RASGRF2: variants seen among roughly 807,000 people sequenced by gnomAD.
RASGRF2 encodes Ras protein specific guanine nucleotide releasing factor 2.
Under a neutral mutation model 151.0 loss-of-function variants are expected in RASGRF2, and 76 were observed. That is an observed-to-expected ratio of 0.50 (90% CI 0.42 to 0.61). RASGRF2 has a LOEUF of 0.61. RASGRF2 is among the 20% of genes least tolerant of loss of function. The pLI is 0.00. For missense variants in RASGRF2, 1,148 were observed against 1,564.6 expected, an observed-to-expected ratio of 0.73 and a Z score of 4.49; for synonymous variants, 504 against 566.5, an observed-to-expected ratio of 0.89 and a Z score of 1.57.
In RASGRF2 at chr5:81,213,500, T is replaced by C. The variant is rs1378247811; in HGVS notation, c.3354+937T>C. Among the ~76,000 whole-genome samples the C allele has an allele frequency of 3.9e-5, 6 of 152,242 alleles. No homozygotes were observed. In the East Asian group the frequency reaches 1.2e-3, roughly 29 times the overall value. On this transcript the variant is annotated intron_variant, in intron 23 of 26. Transcript: ENST00000265080. The stretch of plus-strand genomic sequence containing the variant: ...GAGTTGGTGAGGGGAATCTACAGAG[T>C]GCCACCTCCAGGGTCCCAGACCGGA...
intron 5 of RASGRF2, among the ~76,000 whole-genome samples, chr5:81,077,501 G>A (rs1477043812): frequency 2.0e-5 from 3 of 152,278 alleles, no homozygotes; most frequent in African/African-American, 7.2e-5. Context: ...AGAAAGGAAG[G>A]GTGATGAGTG....
chr5:81,219,621 A>C, intron 25 of RASGRF2, 89 bp from the exon 26 acceptor site: 9 of 1,046,746 alleles, frequency 8.6e-6, no homozygotes, highest in Non-Finnish European at 1.3e-5. Flanking sequence ...CCCTTCTGGG[A>C]AGAGGCCTCA....
At chr5:81,181,482 A>G (rs1014332905) in intron 18 of RASGRF2, among the ~76,000 whole-genome samples, 8 of 152,224 alleles carry the variant, frequency 5.3e-5, no homozygotes. Context: ...CTATGATTCA[A>G]ATTCCAAGAA....
chr5:80,974,648 G>A (rs1213580284), intron 1 of RASGRF2, among the ~76,000 whole-genome samples: 5 of 143,258 alleles, frequency 3.5e-5, no homozygotes, highest in African/African-American at 1.3e-4. Context: ...ATTTCCATTC[G>A]ACAAGCAAGG....
At chr5:81,118,625 T>C (rs1753224115) in intron 15 of RASGRF2, among the ~76,000 whole-genome samples, 1 of 152,230 alleles carries the variant, frequency 6.6e-6, no homozygotes, top group African/African-American at 2.4e-5. Context: ...ACAGCCTTGG[T>C]TTGCACTCCC....
intron 17 of RASGRF2, among the ~76,000 whole-genome samples, chr5:81,179,495 T>C (rs1369051959): frequency 6.6e-6 from 1 of 152,208 alleles, no homozygotes; most frequent in African/African-American, 2.4e-5. Flanking sequence ...AAATTTCCTT[T>C]TTAATTGACA....
chr5:81,123,523 TA>T, intron 15 of RASGRF2, 118 bp from the exon 16 acceptor site: 1 of 1,214,478 alleles, frequency 8.2e-7, no homozygotes. Context: ...GATTTCATAT[TA>T]AAGCCCTTTA....
intron 10 of RASGRF2, among the ~76,000 whole-genome samples, chr5:81,093,546 G>T (rs935492945): frequency 6.6e-6 from 1 of 152,062 alleles, no homozygotes; most frequent in Non-Finnish European, 1.5e-5. Context: ...CAAGCTGCTG[G>T]GACTACAGAC....
intron 17 of RASGRF2, among the ~76,000 whole-genome samples, chr5:81,128,406 TAATCA>T (rs1753527565): frequency 1.3e-5 from 2 of 152,110 alleles, no homozygotes; most frequent in Non-Finnish European, 2.9e-5. Context: ...CAATAAAAAA[TAATCA>T]AATAAATAAA....
intron 2 of RASGRF2, among the ~76,000 whole-genome samples, chr5:81,058,273 G>A (rs1202651055): frequency 1.3e-5 from 2 of 152,022 alleles, no homozygotes; most frequent in East Asian, 1.9e-4. Context: ...CTAACCAAAT[G>A]AAAATAATAA....
chr5:81,188,680 C>T (rs918227993), intron 18 of RASGRF2, among the ~76,000 whole-genome samples: 1 of 152,222 alleles, frequency 6.6e-6, no homozygotes, highest in African/African-American at 2.4e-5. Context: ...AAGTCACTTA[C>T]TGTGACTCCA....
intron 23 of RASGRF2, among the ~76,000 whole-genome samples, chr5:81,213,228 TGGGTACA>T (rs1356630096): frequency 6.6e-6 from 1 of 152,158 alleles, no homozygotes; most frequent in Non-Finnish European, 1.5e-5. Flanking sequence ...GATGATTCAT[TGGGTACA>T]GGCTGCTGTG....
chr5:81,208,496 C>T lies in RASGRF2; in HGVS notation c.3156+58C>T, dbSNP rs1755560112. The T allele has an allele frequency of 2.6e-5, 24 of 937,716 alleles. No homozygotes were observed. The South Asian group carries it at 2.8e-4, about 11-fold the overall frequency. 58.1% of individuals were successfully genotyped at this position (937,716 alleles called of 1,614,324 possible). A position where few individuals can be genotyped will look rare whatever the true frequency, so the allele number is the denominator to read the frequency against. On this transcript the variant is annotated intron_variant, in intron 22 of 26. Coordinates refer to ENST00000265080, the MANE Select transcript of RASGRF2 (RefSeq NM_006909.3). Reference sequence around the variant, plus strand: ...GTCACAAGAAGATGGATATTGGGGTCTAAAGACTCCTCTAAAACAAAGCAA... The same window carrying T: ...GTCACAAGAAGATGGATATTGGGGTTTAAAGACTCCTCTAAAACAAAGCAA...
chr5:81,191,242 T>C (rs1438077705), intron 18 of RASGRF2, among the ~76,000 whole-genome samples: 1 of 152,152 alleles, frequency 6.6e-6, no homozygotes, highest in Non-Finnish European at 1.5e-5. Context: ...CTTGTTGCCT[T>C]TCTCTTTGTG....
At chr5:81,085,595 ATGTGT>A (rs1345930648) in intron 7 of RASGRF2, among the ~76,000 whole-genome samples, 2 of 152,094 alleles carry the variant, frequency 1.3e-5, no homozygotes, top group African/African-American at 4.8e-5. Flanking sequence ...CCACCTTTTC[ATGTGT>A]TCTTGGTGAA....
intron 1 of RASGRF2, among the ~76,000 whole-genome samples, chr5:81,003,496 T>A (rs139105298): frequency 1.3e-5 from 2 of 152,290 alleles, no homozygotes; most frequent in East Asian, 3.9e-4. Context: ...GTGCTGGGAT[T>A]ACAGGCGTGA....
At chr5:81,204,897 A>G (rs926137802) in intron 19 of RASGRF2, among the ~76,000 whole-genome samples, 1 of 152,170 alleles carries the variant, frequency 6.6e-6, no homozygotes, top group African/African-American at 2.4e-5. Context: ...TAACTTTTTG[A>G]CTTTTTCTTT....
At chr5:81,030,357 C>T (rs551453972) in intron 1 of RASGRF2, among the ~76,000 whole-genome samples, 1 of 152,184 alleles carries the variant, frequency 6.6e-6, no homozygotes, top group East Asian at 1.9e-4. Context: ...ACCAGATGCA[C>T]CAAAGTTGAA....
intron 7 of RASGRF2, among the ~76,000 whole-genome samples, chr5:81,083,276 T>C: frequency 6.6e-6 from 1 of 150,618 alleles, no homozygotes; most frequent in Non-Finnish European, 1.5e-5. Flanking sequence ...TCACTTTTTT[T>C]TTTTTTTTTT....
Sources: gnomAD v4.1 joint callset for allele counts (sites outside exome capture counted in the v4.1 genomes callset) on GRCh38, gnomAD v4.1.1 for gene constraint, MANE v1.5 for transcripts, NCBI Gene and HGNC (gene_info 2026-07-23, HGNC 2026-07-21) for gene names.